The following DEAF1 variants were observed in gnomAD, a reference collection of about 807,000 sequenced individuals.
DEAF1 encodes the protein DEAF1 transcription factor.
Under a neutral mutation model 58.9 loss-of-function variants are expected in DEAF1, and 53 were observed. The ratio of observed to expected loss-of-function variants is 0.90; its 90% CI spans 0.72 to 1.13. The LOEUF is 1.13. Ranked by LOEUF, DEAF1 falls within the 50% of genes most tolerant of loss-of-function variation. The pLI is 0.00. For missense variants in DEAF1, 685 were observed against 791.4 expected, an observed-to-expected ratio of 0.87 and a Z score of 1.61; for synonymous variants, 385 against 340.4, an observed-to-expected ratio of 1.13 and a Z score of -1.44.
At position 679,720 on chromosome 11, in the gene DEAF1, G is replaced by A. The variant is rs1590005132; in HGVS notation, c.1094C>T (p.Pro365Leu). Residue 365 changes from proline (P) to leucine (L), a missense_variant, in exon 8 of 12, where the codon CCG (proline) becomes CTG (leucine). Pro to Leu is a moderately conservative substitution (Grantham distance 98). Around this residue, in one of 3 missense-constraint regions of DEAF1, gnomAD observed 343 missense variants for 379.8 expected, o/e 0.90. Transcript: ENST00000382409. Reference sequence around the variant, plus strand: ...CCCTGCGAAGACGTCGCCCTGGGCCGGACTCTCTGATATGACAGCAGTGGC... The same window carrying A: ...CCCTGCGAAGACGTCGCCCTGGGCCAGACTCTCTGATATGACAGCAGTGGC... ...VEATAVISESPAQGDVFAGAT... is the reference protein window; with the variant it reads ...VEATAVISESLAQGDVFAGAT... The A allele has an allele frequency of 1.2e-6, 2 of 1,613,500 alleles. No homozygotes were observed. Among genetic ancestry groups the A allele is most frequent in the Admixed American group, 1.7e-5 (1 of 60,020 alleles).
chr11:666,839 C>A lies in DEAF1; in HGVS notation c.1503+7697G>T, dbSNP rs947629022. On this transcript the variant is annotated intron_variant, in intron 10 of 11. Coordinates refer to ENST00000382409, the MANE Select transcript of DEAF1 (RefSeq NM_021008.4). ...CTTGCAGTGAGCTGAGATCGTGTCACTGCACTCTAGCCTGGAGAGCAAGAC... is the reference window on the plus strand; with the variant it reads ...CTTGCAGTGAGCTGAGATCGTGTCAATGCACTCTAGCCTGGAGAGCAAGAC... Among the ~76,000 whole-genome samples, 4 of 131,890 alleles carry A rather than the reference C, an allele frequency of 3.0e-5. No homozygotes were observed. The East Asian group carries it at 6.7e-4, about 22-fold the overall frequency. 86.5% of individuals were successfully genotyped at this position (131,890 alleles called of 152,430 possible). A position where few individuals can be genotyped will look rare whatever the true frequency, so the allele number is the denominator to read the frequency against.
At chr11:706,762 G>A (rs1434743389) in exon 1 of DEAF1, 5 of 152,592 alleles carry the variant, frequency 3.3e-5, no homozygotes, top group South Asian at 2.1e-4. Context: ...CTGGGTGTCG[G>A]AGCCCAGAAG....
At chr11:645,335 C>T (rs1207214301) in intron 11 of DEAF1, among the ~76,000 whole-genome samples, 2 of 151,834 alleles carry the variant, frequency 1.3e-5, no homozygotes, top group Non-Finnish European at 2.9e-5. Context: ...TGTTGTTTTT[C>T]GGACAGAGTT....
At chr11:654,505 C>CA in intron 10 of DEAF1, 1 of 455,394 alleles carries the variant, frequency 2.2e-6, no homozygotes, top group Non-Finnish European at 4.4e-6. Context: ...CAGTGCTGCT[C>CA]AGAACGTTCT....
chr11:701,723 G>A (rs10902200), intron 1 of DEAF1, among the ~76,000 whole-genome samples: 121,520 of 151,894 alleles, frequency 0.8, 48,965 homozygotes, highest in Non-Finnish European at 0.86. Context: ...ACAGGGTTTC[G>A]CTATGTTACC....
chr11:695,659 C>A, upstream of DEAF1: 8 of 1,243,864 alleles, frequency 6.4e-6, no homozygotes, highest in Non-Finnish European at 8.1e-6. Context: ...AGTGCCCGAG[C>A]GGTGCCGGAC....
In DEAF1 at chr11:668,835, GT is replaced by G. The variant is rs895730452; in HGVS notation, c.1503+5700del. ...AAACCCTTTAAAAAAAAAGTTTTTTGTTTTTTTTTAGACAGAGTCTCGCTCT... is the reference window on the plus strand; with the variant it reads ...AAACCCTTTAAAAAAAAAGTTTTTTGTTTTTTTTAGACAGAGTCTCGCTCT... On this transcript the variant is annotated intron_variant, in intron 10 of 11. Transcript: ENST00000382409. Among the ~76,000 whole-genome samples the G allele has an allele frequency of 2.0e-5, 3 of 150,292 alleles. No homozygotes were observed. The South Asian group carries it at 6.3e-4, about 32-fold the overall frequency.
chr11:673,271 A>G (rs1859910240), intron 10 of DEAF1, among the ~76,000 whole-genome samples: 1 of 152,242 alleles, frequency 6.6e-6, no homozygotes, highest in South Asian at 2.1e-4. Flanking sequence ...TCACATCTGC[A>G]ATCCCAGTAC....
intron 1 of DEAF1, among the ~76,000 whole-genome samples, chr11:693,337 C>G (rs191797433): frequency 6.8e-4 from 104 of 152,300 alleles, no homozygotes; most frequent in African/African-American, 2.5e-3. Context: ...AGCCTTCCCT[C>G]ACTTTTTTTT....
chr11:682,512 A>G (rs549494867), intron 6 of DEAF1, among the ~76,000 whole-genome samples: 2 of 152,194 alleles, frequency 1.3e-5, no homozygotes, highest in Non-Finnish European at 2.9e-5. Flanking sequence ...ATACTGTTTC[A>G]AATCAAGTCA....
At chr11:679,930 G>A (rs1443513792) in intron 7 of DEAF1, 114 bp from the exon 8 acceptor site, 13 of 1,421,388 alleles carry the variant, frequency 9.1e-6, no homozygotes, top group Non-Finnish European at 1.2e-5. Context: ...AGGGCGGGCA[G>A]TGGTAACTGT....
chr11:663,567 C>A (rs943331403), intron 10 of DEAF1, among the ~76,000 whole-genome samples: 2 of 151,436 alleles, frequency 1.3e-5, no homozygotes, highest in African/African-American at 4.9e-5. Flanking sequence ...CAAATCGCCT[C>A]AGCAACTGCC....
chr11:688,559 T>C lies in DEAF1; in HGVS notation c.388-99A>G, dbSNP rs1468233997. The C allele has an allele frequency of 1.9e-5, 29 of 1,501,194 alleles. No individual in the cohort carries two copies. The South Asian group carries it at 3.0e-4, about 16-fold the overall frequency. 93.0% of individuals were successfully genotyped at this position (1,501,194 alleles called of 1,614,324 possible). Reference sequence around the variant, plus strand: ...GTCCTCCAGCAGGGCTCTCTGGCTGTTCTCACCAAGAAGGGACGCTCACCT... The same window carrying C: ...GTCCTCCAGCAGGGCTCTCTGGCTGCTCTCACCAAGAAGGGACGCTCACCT... On this transcript the variant is annotated intron_variant, in intron 2 of 11. Transcript: ENST00000382409. This position sits in a 1 kb window ranked among gnomAD's most constrained non-coding sequence, Gnocchi z 4.3.
At chr11:703,369 G>A in intron 1 of DEAF1, 4 of 1,391,180 alleles carry the variant, frequency 2.9e-6, no homozygotes, top group Non-Finnish European at 3.7e-6. Context: ...TGCGGGGAGG[G>A]TAGGGACCAG....
At chr11:677,830 G>A (rs1210129946) in intron 9 of DEAF1, among the ~76,000 whole-genome samples, 4 of 151,838 alleles carry the variant, frequency 2.6e-5, no homozygotes, top group Non-Finnish European at 5.9e-5. Flanking sequence ...GGGCATGGTG[G>A]CGTGCACCTG....
upstream of DEAF1, among the ~76,000 whole-genome samples, chr11:696,792 G>A (rs1381428209): frequency 3.3e-5 from 5 of 152,084 alleles, no homozygotes; most frequent in Non-Finnish European, 7.3e-5. Context: ...AAATTACCCC[G>A]GGGAAGGCCA....
Position 703,972 on chromosome 11 carries a change from A to G in DEAF1, c.-438+2600T>C, listed in dbSNP as rs1861613784. Reference sequence around the variant, plus strand: ...TTTTTTTCCCATTCCCAGATTTACTATCAGTTCTCCTTAAAAAGTATCTAA... The same window carrying G: ...TTTTTTTCCCATTCCCAGATTTACTGTCAGTTCTCCTTAAAAAGTATCTAA... On this transcript the variant is annotated intron_variant, in intron 1 of 11. Coordinates refer to the DEAF1 transcript ENST00000683307. 4.1e-6 allele frequency: 5 copies of G among 1,230,468 alleles called. No individual in the cohort carries two copies. In the East Asian group the frequency reaches 9.7e-5, roughly 24 times the overall value. 76.2% of individuals were successfully genotyped at this position (1,230,468 alleles called of 1,614,324 possible).
chr11:692,853 CAA>C (rs397953739), intron 1 of DEAF1, among the ~76,000 whole-genome samples: 5 of 140,818 alleles, frequency 3.6e-5, no homozygotes, highest in Admixed American at 1.4e-4. Context: ...AACTCCGTCT[CAA>C]AAAAAAAAAA....
intron 1 of DEAF1, chr11:703,081 C>T: frequency 6.2e-7 from 1 of 1,612,640 alleles, no homozygotes; most frequent in Non-Finnish European, 8.5e-7. Context: ...CCCTCAGCGC[C>T]ACGCTCCTGG....
Sources: gnomAD v4.1 joint callset for allele counts (sites outside exome capture counted in the v4.1 genomes callset) on GRCh38, gnomAD v4.1.1 for gene constraint, gnomAD v4.1.1 regional missense constraint, Gnocchi (gnomAD v3.1) non-coding constraint, MANE v1.5 for transcripts, NCBI Gene and HGNC (gene_info 2026-07-23, HGNC 2026-07-21) for gene names.